The following PHKA1 variants were observed in gnomAD, a reference collection of about 807,000 sequenced individuals.
PHKA1 encodes phosphorylase kinase regulatory subunit alpha 1, also known as phosphorylase b kinase regulatory subunit alpha, skeletal muscle isoform.
Under a neutral mutation model 110.2 loss-of-function variants are expected in PHKA1, and 60 were observed. That is an observed-to-expected ratio of 0.54 (90% CI 0.44 to 0.68). PHKA1 has a LOEUF of 0.68. Among genes scored for constraint, PHKA1 ranks in the 30% least tolerant of loss-of-function variants. The pLI is 0.00. For missense variants in PHKA1, 801 were observed against 942.5 expected (o/e 0.85, Z 1.97); for synonymous variants, 316 against 333.6 (o/e 0.95, Z 0.58).
chrX:72,580,929 T>G lies in PHKA1; in HGVS notation c.*73A>C, dbSNP rs189993312. The G allele has an allele frequency of 2.1e-6, 2 of 946,426 alleles. No homozygotes were observed. Among genetic ancestry groups the G allele is most frequent in the East Asian group, 6.4e-5 (2 of 31,008 alleles). 78.0% of individuals were successfully genotyped at this position (946,426 alleles called of 1,213,427 possible). A position where few individuals can be genotyped will look rare whatever the true frequency, so the allele number is the denominator to read the frequency against. On this transcript the variant is annotated 3_prime_UTR_variant, in exon 32 of 32. Coordinates refer to ENST00000373542, the MANE Select transcript of PHKA1 (RefSeq NM_002637.4). ...GTTGGAGTGATTAGGCAATAACATT[T>G]TAGTTCCATGCACAATCAACCGAGG...
intron 30 of PHKA1, among the ~76,000 whole-genome samples, chrX:72,583,593 T>C (rs1383755547): frequency 2.7e-5 from 3 of 112,264 alleles, no homozygotes; most frequent in African/African-American, 6.5e-5. Flanking sequence ...AACTTTCTAC[T>C]ATTGAATCTT....
At position 72,618,703 on chromosome X, in the gene PHKA1, C is replaced by G; in HGVS notation, c.2369+7G>C. The G allele has an allele frequency of 8.5e-7, 1 of 1,174,210 alleles. No homozygotes were observed. Among genetic ancestry groups the G allele is most frequent in the Non-Finnish European group, 1.2e-6 (1 of 861,903 alleles). On this transcript the variant is annotated splice_region_variant and intron_variant, in intron 21 of 31. Coordinates refer to ENST00000373542, the MANE Select transcript of PHKA1 (RefSeq NM_002637.4). ...ATTAAACTAGATTGATAATATCCAC[C>G]ACTTACTTCATAGTATACAGCATAT...
intron 17 of PHKA1, among the ~76,000 whole-genome samples, chrX:72,626,534 T>C (rs2053072799): frequency 9.0e-6 from 1 of 111,326 alleles, no homozygotes; most frequent in Admixed American, 9.6e-5. Context: ...GATTATGTTA[T>C]CGAAGATACA....
At chrX:72,670,835 C>T (rs1389152109) in intron 6 of PHKA1, among the ~76,000 whole-genome samples, 3 of 111,670 alleles carry the variant, frequency 2.7e-5, no homozygotes, top group Non-Finnish European at 5.6e-5. Flanking sequence ...AGACAAAAAC[C>T]GCATGATTAT....
rs572337923 is a variant in PHKA1, at chrX:72,596,086, A to C, written c.3073-2812T>G. On this transcript the variant is annotated intron_variant, in intron 28 of 31. Transcript: ENST00000373542. ...CTGAATGGCAAAAGAAAATCTGGTA[A>C]TACATAAAATGGAATATTATTCAGA... Among the ~76,000 whole-genome samples, 10 of 112,347 alleles carry C rather than the reference A, an allele frequency of 8.9e-5. No individual in the cohort carries two copies. In the South Asian group the frequency reaches 3.7e-3, roughly 42 times the overall value.
chrX:72,631,932 T>C (rs955293597), intron 16 of PHKA1, among the ~76,000 whole-genome samples: 3 of 112,048 alleles, frequency 2.7e-5, no homozygotes, highest in African/African-American at 9.7e-5. Flanking sequence ...AAATTATAAG[T>C]AGTGGTATCA....
rs1556283348 is a variant in PHKA1, at chrX:72,626,963, TC to T, written c.1793+7del. Reference sequence around the variant, plus strand: ...CATTTCACTAAAGAGTGTATAGAGGTCACTTACCTTGCCCCACCAAAATACC... The same window carrying T: ...CATTTCACTAAAGAGTGTATAGAGGTACTTACCTTGCCCCACCAAAATACC... On this transcript the variant is annotated splice_region_variant and intron_variant, in intron 17 of 31. Coordinates refer to ENST00000373542, the MANE Select transcript of PHKA1 (RefSeq NM_002637.4). 1 of 1,180,399 alleles carries T rather than the reference TC, an allele frequency of 8.5e-7. No individual in the cohort carries two copies. Among genetic ancestry groups the T allele is most frequent in the Non-Finnish European group, 1.2e-6 (1 of 867,235 alleles).
rs140806500 is a variant in PHKA1 at position 72,626,988 on chromosome X, C to A, written c.1776G>T (p.Gly592=). 65 of 1,205,466 alleles carry A rather than the reference C, an allele frequency of 5.4e-5. No individual in the cohort carries two copies. Among genetic ancestry groups the A allele is most frequent in the Admixed American group, 1.7e-4 (8 of 45,730 alleles). Residue 592 remains glycine, a synonymous_variant, in exon 17 of 32, where the codon GGG becomes GGT. Coordinates refer to ENST00000373542, the MANE Select transcript of PHKA1 (RefSeq NM_002637.4). The part of the protein sequence containing the change: ...ILAALRKMQD[G]YFGGARVQTG... ...TCACTTACCTTGCCCCACCAAAATA[C>A]CCATCTTGCATTTTTCGGAGTGCTG...
chrX:72,659,993 TAC>T (rs1371956919), intron 8 of PHKA1, among the ~76,000 whole-genome samples: 1 of 112,531 alleles, frequency 8.9e-6, no homozygotes, highest in African/African-American at 3.2e-5. Context: ...AGTGTGTGTA[TAC>T]AGTTATTTTT....
chrX:72,584,061 T>C (rs1427964900), intron 30 of PHKA1, among the ~76,000 whole-genome samples, 188 bp downstream of exon 30: 1 of 112,621 alleles, frequency 8.9e-6, no homozygotes, highest in Non-Finnish European at 1.9e-5. Flanking sequence ...TGTCTTCATA[T>C]AAAGTAATCC....
At chrX:72,653,213 T>A (rs1289979705) in intron 11 of PHKA1, among the ~76,000 whole-genome samples, 1 of 112,065 alleles carries the variant, frequency 8.9e-6, no homozygotes, top group Non-Finnish European at 1.9e-5. Context: ...GATTAAGGTT[T>A]GGTCTTGTCC....
intron 28 of PHKA1, among the ~76,000 whole-genome samples, chrX:72,594,580 A>C (rs781841066): frequency 1.8e-5 from 2 of 112,784 alleles, no homozygotes; most frequent in East Asian, 5.6e-4. Context: ...TCATAAAGAA[A>C]GATAACATCT....
chrX:72,630,953 GTTA>G (rs1222814939), intron 16 of PHKA1, among the ~76,000 whole-genome samples: 1 of 79,721 alleles, frequency 1.3e-5, no homozygotes, highest in Non-Finnish European at 2.5e-5. Flanking sequence ...TAAATCTTTT[GTTA>G]TTAGTCCTAC....
chrX:72,671,963 A>C (rs1296885886), intron 6 of PHKA1, among the ~76,000 whole-genome samples: 1 of 112,335 alleles, frequency 8.9e-6, no homozygotes, highest in Non-Finnish European at 1.9e-5. Context: ...CTTAAATGTT[A>C]GACCTAAAAC....
At chrX:72,702,297 A>G (rs1458424035) in intron 3 of PHKA1, among the ~76,000 whole-genome samples, 2 of 110,812 alleles carry the variant, frequency 1.8e-5, no homozygotes, top group African/African-American at 6.6e-5. Context: ...AAAACATACA[A>G]AAATTAGCCG....
chrX:72,581,139 C>G lies in PHKA1; in HGVS notation c.3535G>C (p.Asp1179His). ...LGADDTMLAKDPASGICTLLY... is the reference protein window; with the variant it reads ...LGADDTMLAKHPASGICTLLY... ...AGAGTACAGATGCCAGATGCGGGATCCTTTGCCAACATGGTATCATCTGCG... is the reference window on the plus strand; with the variant it reads ...AGAGTACAGATGCCAGATGCGGGATGCTTTGCCAACATGGTATCATCTGCG... Residue 1179 changes from aspartate to histidine, a missense_variant, in exon 32 of 32, where the codon GAT becomes CAT. Physicochemically the swap from Asp to His is moderately conservative, Grantham distance 81 (BLOSUM62 -1). Around this residue, in one of 2 missense-constraint regions of PHKA1, gnomAD observed 502 missense variants for 519.2 expected, o/e 0.97. Coordinates refer to ENST00000373542, the MANE Select transcript of PHKA1 (RefSeq NM_002637.4). 1 of 1,199,892 alleles carries G rather than the reference C, an allele frequency of 8.3e-7. No homozygotes were observed. Among genetic ancestry groups the G allele is most frequent in the Non-Finnish European group, 1.1e-6 (1 of 885,011 alleles).
At chrX:72,653,559 A>C in intron 10 of PHKA1, 29 bp from the exon 11 acceptor site, 1 of 998,661 alleles carries the variant, frequency 1.0e-6, no homozygotes, top group Non-Finnish European at 1.4e-6. Context: ...CAGGAAAAAA[A>C]GACTTACAGA....
chrX:72,620,983 T>A, intron 18 of PHKA1, 82 bp from the exon 19 acceptor site: 1 of 1,029,834 alleles, frequency 9.7e-7, no homozygotes, highest in Non-Finnish European at 1.3e-6. Context: ...GCAAAGAGAA[T>A]GATTGGCTCC....
rs2052663710 is a variant in PHKA1, at chrX:72,602,008, T to C, written c.3055A>G (p.Ile1019Val). 1 of 1,200,594 alleles carries C rather than the reference T, an allele frequency of 8.3e-7. No homozygotes were observed. Among genetic ancestry groups the C allele is most frequent in the Non-Finnish European group, 1.1e-6 (1 of 886,342 alleles). Residue 1019 changes from isoleucine to valine, a missense_variant, in exon 28 of 32, where the codon ATC becomes GTC. By Grantham distance (29) the Ile-to-Val change is conservative. Coordinates refer to ENST00000373542, the MANE Select transcript of PHKA1 (RefSeq NM_002637.4). ...TGTTTCACCTGACTCTCAGCTGAGA[T>C]TGACAGTCTACGAAATTCCACCTGA... ...IKQVEFRRLS[I>V]SAESQSPGTS...
Sources: gnomAD v4.1 joint callset for allele counts (sites outside exome capture counted in the v4.1 genomes callset) on GRCh38, gnomAD v4.1.1 for gene constraint, gnomAD v4.1.1 regional missense constraint, MANE v1.5 for transcripts, NCBI Gene and HGNC (gene_info 2026-07-23, HGNC 2026-07-21) for gene names.